The following PKHD1 variants were observed in gnomAD, a reference collection of about 807,000 sequenced individuals.
The protein encoded by PKHD1 is PKHD1 ciliary IPT domain containing fibrocystin/polyductin.
A neutral mutation model predicts 412.0 loss-of-function variants in PKHD1; 291 were observed. The observed-to-expected ratio is 0.71, with a 90% CI of 0.64 to 0.78. The LOEUF (loss-of-function observed/expected upper bound fraction) is 0.78, where lower values mean the gene tolerates loss of function less well. PKHD1 is among the 30% of genes least tolerant of loss of function. The pLI is 0.00. For missense variants in PKHD1, 4,825 were observed against 4,950.7 expected (o/e 0.97, Z 0.76); for synonymous variants, 1,777 against 1,821.5 (o/e 0.98, Z 0.62).
At chr6:51,696,441 T>A (rs550678569) in intron 60 of PKHD1, among the ~76,000 whole-genome samples, 1 of 152,178 alleles carries the variant, frequency 6.6e-6, no homozygotes, top group South Asian at 2.1e-4. Context: ...CAAAAATCTG[T>A]CCAAATGTCT....
chr6:51,751,295 A>G (rs1786078843), intron 57 of PKHD1, among the ~76,000 whole-genome samples: 1 of 152,122 alleles, frequency 6.6e-6, no homozygotes, highest in South Asian at 2.1e-4. Context: ...CCTGACCTAC[A>G]CCTGCAGATC....
intron 35 of PKHD1, among the ~76,000 whole-genome samples, chr6:51,998,891 C>T (rs1296526047): frequency 2.6e-5 from 4 of 152,152 alleles, no homozygotes; most frequent in African/African-American, 9.7e-5. Context: ...TGGAGAGATA[C>T]AACCAGAAAG....
At chr6:51,866,327 A>C (rs1401778236) in intron 48 of PKHD1, among the ~76,000 whole-genome samples, 3 of 152,198 alleles carry the variant, frequency 2.0e-5, no homozygotes, top group African/African-American at 7.2e-5. Flanking sequence ...TTTTTAAAAC[A>C]AGAAAAAAAT....
chr6:51,923,528 A>C (rs9357717), intron 37 of PKHD1, among the ~76,000 whole-genome samples: 57,789 of 151,504 alleles, frequency 0.38, 11,800 homozygotes, highest in East Asian at 0.75. Flanking sequence ...GAAAAAAAAA[A>C]AACAATAAAA....
intron 60 of PKHD1, among the ~76,000 whole-genome samples, chr6:51,714,681 A>G (rs1367482929): frequency 6.6e-6 from 1 of 152,210 alleles, no homozygotes; most frequent in Non-Finnish European, 1.5e-5. Context: ...GCAGGCTACC[A>G]TATTGGATAG....
chr6:51,793,097 C>T (rs1465285857), intron 52 of PKHD1, among the ~76,000 whole-genome samples: 2 of 151,934 alleles, frequency 1.3e-5, no homozygotes, highest in African/African-American at 4.8e-5. Context: ...GAGTTTAATC[C>T]CCTACATACC....
chr6:51,976,347 A>G (rs1004589075), intron 35 of PKHD1, among the ~76,000 whole-genome samples: 1 of 152,244 alleles, frequency 6.6e-6, no homozygotes, highest in African/African-American at 2.4e-5. Flanking sequence ...CACAGCATGG[A>G]TAAATCTTAA....
chr6:51,943,885 G>A lies in PKHD1; in HGVS notation c.5909-9563C>T, dbSNP rs1327110544. Among the ~76,000 whole-genome samples, 5 of 151,028 alleles carry A rather than the reference G, an allele frequency of 3.3e-5. No individual in the cohort carries two copies. In the East Asian group the frequency reaches 5.8e-4, roughly 18 times the overall value. ...GCTCGAAGCAGCCCTGAGAAACATC[G>A]CCCATTATCTCTCCATACCACCCCC... On this transcript the variant is annotated intron_variant, in intron 36 of 66. Coordinates refer to ENST00000371117, the MANE Select transcript of PKHD1 (RefSeq NM_138694.4).
intron 48 of PKHD1, among the ~76,000 whole-genome samples, 157 bp downstream of exon 48, chr6:51,867,706 A>G (rs1330810782): frequency 6.6e-6 from 1 of 152,140 alleles, no homozygotes; most frequent in Non-Finnish European, 1.5e-5. Context: ...CCATACACTC[A>G]TGATTCAGCA....
chr6:51,785,308 G>GT (rs1442398994), intron 53 of PKHD1, among the ~76,000 whole-genome samples: 1 of 152,030 alleles, frequency 6.6e-6, no homozygotes, highest in Non-Finnish European at 1.5e-5. Context: ...TCCTATAAAG[G>GT]TTTGATGCCA....
In PKHD1 at chr6:51,950,220, A is replaced by AATATATATATATATAT. The variant is rs1333126139; in HGVS notation, c.5908+9634_5908+9649dup. On this transcript the variant is annotated intron_variant, in intron 36 of 66. Coordinates refer to ENST00000371117, the MANE Select transcript of PKHD1 (RefSeq NM_138694.4). The stretch of plus-strand genomic sequence containing the variant: ...AATGGGCAATATAGAGAAAAAAAAA[A>AATATATATATATATAT]ATATATATATATATATATATGAAAT... 1.0e-3 allele frequency among the ~76,000 whole-genome samples: 100 copies of AATATATATATATATAT among 98,228 alleles called. 1 individual carries two copies. The highest frequency in any genetic ancestry group is 9.2e-4 in the Non-Finnish European group (47 of 51,164). 64.4% of individuals were successfully genotyped at this position (98,228 alleles called of 152,430 possible).
chr6:51,776,616 G>A (rs148084257), intron 53 of PKHD1, among the ~76,000 whole-genome samples: 3 of 152,042 alleles, frequency 2.0e-5, no homozygotes, highest in Admixed American at 1.3e-4. Context: ...TATTATCCCA[G>A]TTTTAAATAT....
At chr6:51,987,388 A>G (rs752410382) in intron 35 of PKHD1, among the ~76,000 whole-genome samples, 98 of 152,328 alleles carry the variant, frequency 6.4e-4, no homozygotes, top group Non-Finnish European at 1.3e-3. Context: ...CTTCACTTCT[A>G]TACCCTGTTT....
At chr6:52,012,146 T>C (rs568488338) in intron 34 of PKHD1, among the ~76,000 whole-genome samples, 1 of 152,246 alleles carries the variant, frequency 6.6e-6, no homozygotes, top group Non-Finnish European at 1.5e-5. Flanking sequence ...TTGAAGACAT[T>C]ACTTCACTAA....
intron 60 of PKHD1, among the ~76,000 whole-genome samples, chr6:51,718,245 C>A (rs545423378): frequency 6.6e-6 from 1 of 152,284 alleles, no homozygotes; most frequent in Non-Finnish European, 1.5e-5. Flanking sequence ...CTGTGGACCA[C>A]GGTTTACTAG....
At chr6:52,011,304 T>C (rs1799788936) in intron 34 of PKHD1, among the ~76,000 whole-genome samples, 1 of 152,238 alleles carries the variant, frequency 6.6e-6, no homozygotes, top group Non-Finnish European at 1.5e-5. Flanking sequence ...TGTAGGCATT[T>C]TTGCAACTAA....
chr6:51,814,801 G>T (rs556902960), intron 52 of PKHD1, among the ~76,000 whole-genome samples: 1 of 152,266 alleles, frequency 6.6e-6, no homozygotes, highest in African/African-American at 2.4e-5. Context: ...GAAATGAGAG[G>T]TGCCTACTGG....
chr6:51,856,097 A>T (rs757358500), intron 48 of PKHD1, 27 bp from the exon 49 acceptor site: 4 of 1,370,080 alleles, frequency 2.9e-6, no homozygotes, highest in South Asian at 1.2e-5. Flanking sequence ...AGGAAAAAAA[A>T]TGGGTTGAGA....
At chr6:52,053,890 T>C in intron 20 of PKHD1, 148 bp downstream of exon 20, 1 of 796,768 alleles carries the variant, frequency 1.3e-6, no homozygotes, top group Non-Finnish European at 2.1e-6. Flanking sequence ...TCAAACTTTT[T>C]TGTCAAATAA....
Sources: gnomAD v4.1 joint callset for allele counts (sites outside exome capture counted in the v4.1 genomes callset) on GRCh38, gnomAD v4.1.1 for gene constraint, MANE v1.5 for transcripts, NCBI Gene and HGNC (gene_info 2026-07-23, HGNC 2026-07-21) for gene names.